The following ADAMTS6 variants were observed in gnomAD, a reference collection of about 807,000 sequenced individuals.
ADAMTS6 encodes the protein A disintegrin and metalloproteinase with thrombospondin motifs 6.
In ADAMTS6, 23 loss-of-function variants were observed where a neutral mutation model predicts 144.3. That is an observed-to-expected ratio of 0.16 (90% CI 0.11 to 0.23). ADAMTS6 has a LOEUF of 0.23. Ranked by LOEUF, ADAMTS6 falls within the 10% of genes least tolerant of loss-of-function variation. The pLI is 1.00. For missense variants in ADAMTS6, 999 were observed against 1,379.6 expected, an observed-to-expected ratio of 0.72 and a Z score of 4.37; for synonymous variants, 444 against 457.5, an observed-to-expected ratio of 0.97 and a Z score of 0.38.
rs769418666 is a variant in ADAMTS6, at chr5:65,273,327, T to A, written c.1620+13A>T. ...GTATACATGTCAAACAGGTAGTAAA[T>A]CATTGAGCTTACCCCTTTTTCAATA... On this transcript the variant is annotated intron_variant, in intron 12 of 24. Coordinates refer to ENST00000381055, the MANE Select transcript of ADAMTS6 (RefSeq NM_197941.4). 4.3e-6 allele frequency: 7 copies of A among 1,610,790 alleles called. No individual in the cohort carries two copies. In the African/African-American group the frequency reaches 9.4e-5, roughly 22 times the overall value.
intron 20 of ADAMTS6, chr5:65,210,004 T>C (rs1438957684): frequency 2.0e-5 from 4 of 199,014 alleles, no homozygotes; most frequent in Admixed American, 1.9e-4. Flanking sequence ...AGATTGCTTA[T>C]GCCCATATGT....
intron 12 of ADAMTS6, among the ~76,000 whole-genome samples, chr5:65,264,561 C>T (rs1303732389): frequency 1.3e-5 from 2 of 152,130 alleles, no homozygotes; most frequent in African/African-American, 2.4e-5. Flanking sequence ...TTCTGTCCTA[C>T]TGCTTTAGTT....
chr5:65,452,462 T>TAAA (rs397976555), intron 5 of ADAMTS6, among the ~76,000 whole-genome samples: 10,618 of 137,466 alleles, frequency 0.077, 607 homozygotes, highest in African/African-American at 0.15. Flanking sequence ...TGTTTCAAGT[T>TAAA]AAAAAAAAAA....
At chr5:65,432,586 A>C (rs1319999636) in intron 7 of ADAMTS6, among the ~76,000 whole-genome samples, 1 of 152,012 alleles carries the variant, frequency 6.6e-6, no homozygotes, top group Non-Finnish European at 1.5e-5. Flanking sequence ...GAATCTGATC[A>C]TGTCACTTTT....
chr5:65,183,738 T>A (rs73105104), intron 22 of ADAMTS6, among the ~76,000 whole-genome samples: 3 of 152,174 alleles, frequency 2.0e-5, no homozygotes, highest in African/African-American at 7.2e-5. Context: ...TGTATAGACA[T>A]TAATTTAATT....
chr5:65,172,169 C>T (rs1190490425), intron 23 of ADAMTS6, among the ~76,000 whole-genome samples: 2 of 151,380 alleles, frequency 1.3e-5, no homozygotes, highest in East Asian at 1.9e-4. Context: ...AATCCCAGCA[C>T]TTTGGGAGGC....
rs115777795 is a variant in ADAMTS6 at position 65,389,955 on chromosome 5, T to C, written c.1074-55870A>G. Among the ~76,000 whole-genome samples, 787 of 152,276 alleles carry C rather than the reference T, an allele frequency of 5.2e-3. 8 individuals are homozygous for C. Among genetic ancestry groups the C allele is most frequent in the African/African-American group, 0.018 (767 of 41,564 alleles). Reference sequence around the variant, plus strand: ...TTGATTTAATGAAAACAACAGGATGTAGAGTGTTCAAGAGAACTCTCAAAG... The same window carrying C: ...TTGATTTAATGAAAACAACAGGATGCAGAGTGTTCAAGAGAACTCTCAAAG... On this transcript the variant is annotated intron_variant, in intron 7 of 24. Coordinates refer to ENST00000381055, the MANE Select transcript of ADAMTS6 (RefSeq NM_197941.4).
chr5:65,362,639 A>G (rs1468369505), intron 7 of ADAMTS6, among the ~76,000 whole-genome samples: 1 of 152,194 alleles, frequency 6.6e-6, no homozygotes. Flanking sequence ...AGTACTCTAC[A>G]TGTTTCAGAT....
intron 7 of ADAMTS6, among the ~76,000 whole-genome samples, chr5:65,376,767 G>A (rs991205941): frequency 6.6e-5 from 10 of 151,952 alleles, no homozygotes; most frequent in Admixed American, 1.3e-4. Context: ...GGAGGTAGAG[G>A]CTGCAGTGAG....
intron 2 of ADAMTS6, 69 bp downstream of exon 2, chr5:65,473,508 A>G: frequency 1.5e-6 from 2 of 1,373,370 alleles, no homozygotes; most frequent in South Asian, 1.2e-5. Flanking sequence ...CCCAAACTAA[A>G]TATGCAGAAT....
chr5:65,430,490 A>C (rs141741599), intron 7 of ADAMTS6, among the ~76,000 whole-genome samples: 29 of 152,294 alleles, frequency 1.9e-4, no homozygotes, highest in Admixed American at 6.5e-4. Context: ...GCAGGACACT[A>C]CTGGATTATT....
intron 7 of ADAMTS6, among the ~76,000 whole-genome samples, chr5:65,378,746 G>C (rs1751774704): frequency 6.6e-6 from 1 of 152,084 alleles, no homozygotes; most frequent in Non-Finnish European, 1.5e-5. Context: ...GAAATCCCTG[G>C]ATATATATCA....
At chr5:65,405,418 C>T (rs999642797) in intron 7 of ADAMTS6, among the ~76,000 whole-genome samples, 1 of 152,146 alleles carries the variant, frequency 6.6e-6, no homozygotes, top group Non-Finnish European at 1.5e-5. Context: ...TTCCCCATTG[C>T]TTGTTTCTGT....
intron 9 of ADAMTS6, among the ~76,000 whole-genome samples, chr5:65,318,356 T>A (rs1745220986): frequency 6.6e-6 from 1 of 152,170 alleles, no homozygotes; most frequent in African/African-American, 2.4e-5. Flanking sequence ...AACTACCATA[T>A]GATCCAGCAA....
At chr5:65,309,068 G>C (rs993156910) in intron 9 of ADAMTS6, among the ~76,000 whole-genome samples, 1 of 152,088 alleles carries the variant, frequency 6.6e-6, no homozygotes, top group African/African-American at 2.4e-5. Flanking sequence ...TTTGGCACCA[G>C]GGACCAGTTT....
At chr5:65,219,261 C>G (rs1311601157) in intron 18 of ADAMTS6, among the ~76,000 whole-genome samples, 4 of 152,150 alleles carry the variant, frequency 2.6e-5, no homozygotes, top group Admixed American at 1.3e-4. Context: ...TTACCTATGT[C>G]TGCTTTCACA....
chr5:65,354,806 T>C (rs1202523630), intron 7 of ADAMTS6, among the ~76,000 whole-genome samples: 1 of 151,840 alleles, frequency 6.6e-6, no homozygotes, highest in African/African-American at 2.4e-5. Flanking sequence ...ATTTGTGGCA[T>C]TATAATGTAA....
intron 4 of ADAMTS6, among the ~76,000 whole-genome samples, chr5:65,458,719 T>A (rs1384482985): frequency 6.6e-6 from 1 of 152,220 alleles, no homozygotes; most frequent in Non-Finnish European, 1.5e-5. Context: ...CAACCCTTTC[T>A]ATTTTTCACT....
At position 65,457,001 on chromosome 5, in the gene ADAMTS6, G is replaced by A. The variant is rs534827719; in HGVS notation, c.631+3169C>T. On this transcript the variant is annotated intron_variant, in intron 4 of 24. Coordinates refer to ENST00000381055, the MANE Select transcript of ADAMTS6 (RefSeq NM_197941.4). ...TCCAGGTAATAGGCTAACTGGTAGT[G>A]TATGCCTATAAATTCACATCTCTCA... is the stretch of plus-strand genomic sequence containing the variant. 2.2e-4 allele frequency among the ~76,000 whole-genome samples: 33 copies of A among 152,308 alleles called. No homozygotes were observed. The South Asian group carries it at 5.0e-3, about 23-fold the overall frequency.
Sources: allele counts gnomAD v4.1 joint callset (sites outside exome capture counted in the v4.1 genomes callset), GRCh38; gene constraint gnomAD v4.1.1; transcripts MANE v1.5; gene names NCBI Gene and HGNC (gene_info 2026-07-23, HGNC 2026-07-21).